Variants in FBXO40 observed in about 807,000 individuals in gnomAD.
FBXO40 encodes F-box only protein 40.
In FBXO40, 50 loss-of-function variants were observed where a neutral mutation model predicts 49.9. The observed-to-expected ratio is 1.00, with a 90% CI of 0.80 to 1.27. The LOEUF is 1.27. FBXO40 is among the 50% of genes most tolerant of loss of function. The pLI, the probability that FBXO40 is intolerant of heterozygous loss-of-function variation, is 0.00. For synonymous variants in FBXO40, 340 were observed against 320.2 expected (o/e 1.06, Z -0.66); for missense variants, 895 against 870.1 (o/e 1.03, Z -0.36).
rs1303862756 is a variant in FBXO40 at position 121,623,017 on chromosome 3, C to G, written c.1588C>G (p.Gln530Glu). Residue 530 changes from glutamine (Q) to glutamate (E), a missense_variant, in exon 3 of 4, where the codon CAA (glutamine) becomes GAA (glutamate). Transcript: ENST00000338040. ...TCAAAACCATTTCCGTCCCCCAGGG[C>G]AAAAGGCAAAAGTAATCTATAGCCA... ...FVQNHFRPPG[Q>E]KAKVIYSQEL... 3.7e-6 allele frequency: 6 copies of G among 1,614,202 alleles called. No homozygotes were observed. The highest frequency in any genetic ancestry group is 5.1e-6 in the Non-Finnish European group (6 of 1,180,034).
chr3:121,617,414 T>C (rs937494631), intron 1 of FBXO40, among the ~76,000 whole-genome samples: 6 of 151,326 alleles, frequency 4.0e-5, no homozygotes, highest in Admixed American at 3.9e-4. Context: ...GACAACGTGG[T>C]GAAACCCCGT....
chr3:121,619,773 A>G (rs1326323279), intron 1 of FBXO40, among the ~76,000 whole-genome samples: 1 of 152,204 alleles, frequency 6.6e-6, no homozygotes, highest in Non-Finnish European at 1.5e-5. Context: ...TCTCACAGCC[A>G]CTGACTTGTA....
chr3:121,621,703 G>A lies in FBXO40; in HGVS notation c.274G>A (p.Val92Met), dbSNP rs148128733. 1,129 of 1,614,224 alleles carry A rather than the reference G, an allele frequency of 7.0e-4. No homozygotes were observed. The highest frequency in any genetic ancestry group is 8.6e-4 in the Non-Finnish European group (1,014 of 1,180,012). Residue 92 changes from valine (V) to methionine (M), a missense_variant, in exon 3 of 4, where the codon GTG becomes ATG. Physicochemically the swap from Val to Met is conservative, Grantham distance 21. Transcript: ENST00000338040. ...AKHLQVCPAS[V>M]VCCSMEWNRW... ...GCACCTGCAGGTGTGCCCCGCCAGC[G>A]TGGTCTGCTGCTCCATGGAGTGGAA...
Position 121,599,311 on chromosome 3 carries a change from T to C in FBXO40, c.-31+5809T>C, listed in dbSNP as rs181551199. ...GGCAAAACCCCGTCTCTACTAAAAA[T>C]GCAAAAATTAGTTGAGTGTGATGGT... On this transcript the variant is annotated intron_variant, in intron 1 of 3. Coordinates refer to ENST00000338040, the MANE Select transcript of FBXO40 (RefSeq NM_016298.4). Among the ~76,000 whole-genome samples the C allele has an allele frequency of 1.6e-4, 24 of 151,818 alleles. No homozygotes were observed. The East Asian group carries it at 3.3e-3, about 21-fold the overall frequency.
At chr3:121,615,799 C>T (rs2048994550) in intron 1 of FBXO40, among the ~76,000 whole-genome samples, 1 of 152,076 alleles carries the variant, frequency 6.6e-6, no homozygotes, top group Non-Finnish European at 1.5e-5. Context: ...TTTGTCTGGC[C>T]ATAAATATTC....
chr3:121,593,653 C>G (rs2048855196), intron 1 of FBXO40, among the ~76,000 whole-genome samples, 151 bp downstream of exon 1: 1 of 152,210 alleles, frequency 6.6e-6, no homozygotes, highest in Admixed American at 6.5e-5. Flanking sequence ...AAGGCTGGCA[C>G]TGAGAATGAG....
At chr3:121,616,446 AC>A (rs2048998001) in intron 1 of FBXO40, among the ~76,000 whole-genome samples, 1 of 152,230 alleles carries the variant, frequency 6.6e-6, no homozygotes, top group African/African-American at 2.4e-5. Flanking sequence ...AAGAGGAGCT[AC>A]TAGCCACAAA....
chr3:121,610,319 A>G (rs2048957747), intron 1 of FBXO40, among the ~76,000 whole-genome samples: 1 of 152,160 alleles, frequency 6.6e-6, no homozygotes, highest in African/African-American at 2.4e-5. Context: ...TGAAAATTGC[A>G]AAAGTCATGT....
intron 1 of FBXO40, among the ~76,000 whole-genome samples, chr3:121,616,277 G>T (rs868260770): frequency 1.3e-5 from 2 of 152,226 alleles, no homozygotes; most frequent in Middle Eastern, 6.8e-3. Flanking sequence ...TCCAGAACAA[G>T]GGTTCTCATT....
rs541038873 is a variant in FBXO40 at position 121,629,530 on chromosome 3, G to A, written c.*2620G>A. On this transcript the variant is annotated 3_prime_UTR_variant, in exon 4 of 4. Transcript: ENST00000338040. ...ATGGAGATGAAAATCAGGGGCTATC[G>A]ACAGATGGAGGAGAAATAAGGTGCT... is the stretch of plus-strand genomic sequence containing the variant. The A allele has an allele frequency of 1.2e-4, 19 of 152,280 alleles. No homozygotes were observed. In the South Asian group the frequency reaches 3.1e-3, roughly 25 times the overall value. 9.4% of individuals were successfully genotyped at this position (152,280 alleles called of 1,614,324 possible). A position where few individuals can be genotyped will look rare whatever the true frequency, so the allele number is the denominator to read the frequency against.
chr3:121,615,170 A>G (rs1377691120), intron 1 of FBXO40, among the ~76,000 whole-genome samples: 1 of 130,538 alleles, frequency 7.7e-6, no homozygotes, highest in Admixed American at 1.0e-4. Flanking sequence ...GTGCCACTGC[A>G]CTCCAGCCTG....
chr3:121,615,817 A>G (rs966185621), intron 1 of FBXO40, among the ~76,000 whole-genome samples: 2 of 152,146 alleles, frequency 1.3e-5, no homozygotes, highest in African/African-American at 4.8e-5. Context: ...TTCTGTAATT[A>G]TAAGTGGTGG....
chr3:121,603,646 C>T lies in FBXO40; in HGVS notation c.-31+10144C>T, dbSNP rs577924149. 2.0e-5 allele frequency among the ~76,000 whole-genome samples: 3 copies of T among 152,282 alleles called. No individual in the cohort carries two copies. In the South Asian group the frequency reaches 6.2e-4, roughly 32 times the overall value. ...ACCATAAGTATTAACCTTATAGGTG[C>T]TTTGTGGGTGCCTCACTATTCACTG... is the stretch of plus-strand genomic sequence containing the variant. On this transcript the variant is annotated intron_variant, in intron 1 of 3. Transcript: ENST00000338040.
At chr3:121,603,587 AGTG>A (rs1467809092) in intron 1 of FBXO40, among the ~76,000 whole-genome samples, 1 of 152,232 alleles carries the variant, frequency 6.6e-6, no homozygotes, top group Non-Finnish European at 1.5e-5. Context: ...TGTAATTATA[AGTG>A]GTGGTCAGCT....
intron 1 of FBXO40, among the ~76,000 whole-genome samples, chr3:121,603,117 G>A (rs1576450399): frequency 6.6e-6 from 1 of 152,242 alleles, no homozygotes; most frequent in South Asian, 2.1e-4. Context: ...ATCTCTCTTG[G>A]GCTTCTTTTA....
intron 1 of FBXO40, among the ~76,000 whole-genome samples, chr3:121,613,930 C>T (rs574514430): frequency 2.4e-4 from 36 of 151,854 alleles, no homozygotes; most frequent in Non-Finnish European, 4.9e-4. Flanking sequence ...ATCAGGAGTT[C>T]GAGACCAGCC....
In FBXO40 at chr3:121,621,554, G is replaced by C; in HGVS notation, c.125G>C (p.Cys42Ser). The change falls in exon 3 of 4, where the codon TGT becomes TCT. Residue 42 changes from cysteine to serine, a missense_variant. Physicochemically the swap from Cys to Ser is moderately radical, Grantham distance 112. Transcript: ENST00000338040. ...SCLVISCHLLCGATFHMCKEA... is the reference protein window; with the variant it reads ...SCLVISCHLLSGATFHMCKEA... ...CTGGTAATAAGCTGCCACCTGCTCT[G>C]TGGTGCCACCTTCCACATGTGCAAA... 6.2e-7 allele frequency: 1 copy of C among 1,614,230 alleles called. No individual in the cohort carries two copies. The highest frequency in any genetic ancestry group is 2.2e-5 in the East Asian group (1 of 44,882).
At position 121,629,469 on chromosome 3, in the gene FBXO40, G is replaced by A. The variant is rs1327571633; in HGVS notation, c.*2559G>A. 1 of 152,200 alleles carries A rather than the reference G, an allele frequency of 6.6e-6. No homozygotes were observed. Among genetic ancestry groups the A allele is most frequent in the Non-Finnish European group, 1.5e-5 (1 of 68,034 alleles). The allele number at this position is 152,200 out of a possible 1,614,324, so 9.4% of individuals were successfully genotyped here. A position where few individuals can be genotyped will look rare whatever the true frequency, so the allele number is the denominator to read the frequency against. On this transcript the variant is annotated 3_prime_UTR_variant, in exon 4 of 4. Coordinates refer to ENST00000338040, the MANE Select transcript of FBXO40 (RefSeq NM_016298.4). ...CTCCTAAAGTCCACTCTGGGTTTGT[G>A]ATTTTAATAGAAATAGAAAGGGAAA...
At chr3:121,607,594 C>A (rs764909444) in intron 1 of FBXO40, among the ~76,000 whole-genome samples, 3 of 151,974 alleles carry the variant, frequency 2.0e-5, no homozygotes, top group Non-Finnish European at 4.4e-5. Flanking sequence ...CAGGCGTGAG[C>A]CACCGCACCT....
Sources: allele counts gnomAD v4.1 joint callset (sites outside exome capture counted in the v4.1 genomes callset), GRCh38; gene constraint gnomAD v4.1.1; transcripts MANE v1.5; gene names NCBI Gene and HGNC (gene_info 2026-07-23, HGNC 2026-07-21).